The following ZNF83 variants were observed in gnomAD, a reference collection of about 807,000 sequenced individuals.
ZNF83 encodes zinc finger protein 816B.
For missense variants in ZNF83, 552 were observed against 629.9 expected, an observed-to-expected ratio of 0.88 and a Z score of 1.32; for synonymous variants, 209 against 213.0, an observed-to-expected ratio of 0.98 and a Z score of 0.17.
At chr19:52,641,903 A>T (rs1375999076), upstream of ZNF83, among the ~76,000 whole-genome samples, 1 of 152,182 alleles carries the variant, frequency 6.6e-6, no homozygotes, top group Non-Finnish European at 1.5e-5. Context: ...ATGTACATTA[A>T]TTCGGTCTGG....
intron 1 of ZNF83, chr19:52,636,209 G>A (rs2061142292): frequency 6.6e-6 from 1 of 152,110 alleles, no homozygotes; most frequent in South Asian, 2.1e-4. Context: ...CAGCTACTTA[G>A]GAAGCTGACG....
At chr19:52,689,434 T>C (rs1006040933) in intron 1 of ZNF83, among the ~76,000 whole-genome samples, 1 of 152,070 alleles carries the variant, frequency 6.6e-6, no homozygotes, top group Non-Finnish European at 1.5e-5. Flanking sequence ...GTGTCCTCCC[T>C]GCTGTGCTTC....
At chr19:52,619,195 C>T (rs2060438945) in intron 2 of ZNF83, 2 of 1,595,520 alleles carry the variant, frequency 1.3e-6, no homozygotes, top group Non-Finnish European at 1.7e-6. Context: ...GGATTTTTCA[C>T]CACATGATGT....
rs377307081 is a variant in ZNF83, at chr19:52,687,545, A to T, written c.-283+2898T>A. Among the ~76,000 whole-genome samples the T allele has an allele frequency of 5.6e-4, 21 of 37,402 alleles. 2 individuals carry two copies. The highest frequency in any genetic ancestry group is 1.1e-3 in the African/African-American group (10 of 8,820). 24.5% of individuals were successfully genotyped at this position (37,402 alleles called of 152,430 possible). ...TTTTATATATAAATTATATATATAA[A>T]TTATATGTGTAAATTTTATATATAT... On this transcript the variant is annotated intron_variant, in intron 1 of 5. Transcript: ENST00000594682.
chr19:52,639,648 C>G (rs1302358601), upstream of ZNF83, among the ~76,000 whole-genome samples: 1 of 151,826 alleles, frequency 6.6e-6, no homozygotes, highest in Non-Finnish European at 1.5e-5. Context: ...GAACTTCTGA[C>G]TTCAAGTGAT....
intron 1 of ZNF83, among the ~76,000 whole-genome samples, chr19:52,679,631 A>C (rs2061874791): frequency 6.6e-6 from 1 of 152,022 alleles, no homozygotes; most frequent in African/African-American, 2.4e-5. Context: ...TAAATAAAAG[A>C]AAGCATGACA....
At chr19:52,682,639 G>A (rs901259246) in intron 1 of ZNF83, among the ~76,000 whole-genome samples, 1 of 151,874 alleles carries the variant, frequency 6.6e-6, no homozygotes, top group African/African-American at 2.4e-5. Context: ...CTGCTCTCCA[G>A]CCTAGGCAAC....
In ZNF83 at chr19:52,681,280, C is replaced by CAAAAAAAAAAAAAAA. The variant is rs56916405; in HGVS notation, c.-283+9148_-283+9162dup. On this transcript the variant is annotated intron_variant, in intron 1 of 5. Coordinates refer to the ZNF83 transcript ENST00000594682. ...CCTGGGTGACAGAGTGAGACTTTCTCAAAAAAAAAAAAAAAAAAAAAGCAA... is the reference window on the plus strand; with the variant it reads ...CCTGGGTGACAGAGTGAGACTTTCTCAAAAAAAAAAAAAAAAAAAAAAAAAAAAAAAAAAAAGCAA... Among the ~76,000 whole-genome samples, 42 of 75,416 alleles carry CAAAAAAAAAAAAAAA rather than the reference C, an allele frequency of 5.6e-4. 2 individuals carry two copies. Among genetic ancestry groups the CAAAAAAAAAAAAAAA allele is most frequent in the South Asian group, 1.3e-3 (2 of 1,564 alleles). The allele number at this position is 75,416 out of a possible 152,430, so 49.5% of individuals were successfully genotyped here. A position where few individuals can be genotyped will look rare whatever the true frequency, so the allele number is the denominator to read the frequency against.
intron 3 of ZNF83, among the ~76,000 whole-genome samples, chr19:52,649,977 G>C (rs1445110134): frequency 6.6e-6 from 1 of 152,006 alleles, no homozygotes; most frequent in Admixed American, 6.6e-5. Context: ...TATGAGACAG[G>C]GGGGCCACAG....
intron 3 of ZNF83, chr19:52,654,112 T>A: frequency 6.2e-7 from 1 of 1,605,334 alleles, no homozygotes; most frequent in African/African-American, 1.3e-5. Context: ...CAGATGTGAA[T>A]AAAAGCTTGA....
chr19:52,626,018 C>A (rs916457064), intron 2 of ZNF83, among the ~76,000 whole-genome samples: 1 of 152,194 alleles, frequency 6.6e-6, no homozygotes, highest in East Asian at 1.9e-4. Flanking sequence ...GCCTGCTAAT[C>A]GGACAGGGAC....
intron 1 of ZNF83, among the ~76,000 whole-genome samples, chr19:52,681,894 C>T (rs1388714181): frequency 6.6e-6 from 1 of 152,192 alleles, no homozygotes; most frequent in Non-Finnish European, 1.5e-5. Context: ...GTCAACCAGC[C>T]TGAAGTGCAG....
At chr19:52,633,404 A>T (rs1339018328) in intron 2 of ZNF83, among the ~76,000 whole-genome samples, 1 of 152,148 alleles carries the variant, frequency 6.6e-6, no homozygotes, top group Admixed American at 6.5e-5. Context: ...GAAAAATATA[A>T]TTTCTTTTAA....
intron 1 of ZNF83, among the ~76,000 whole-genome samples, chr19:52,676,461 C>T (rs1174987397): frequency 6.6e-6 from 1 of 152,004 alleles, no homozygotes; most frequent in Non-Finnish European, 1.5e-5. Context: ...ATGTGAGGAG[C>T]CTGCCCCGGC....
intron 1 of ZNF83, chr19:52,636,179 G>A (rs1322156885): frequency 6.6e-6 from 1 of 151,772 alleles, no homozygotes; most frequent in African/African-American, 2.4e-5. Flanking sequence ...GGGCTTCTTG[G>A]TGGCTCATCA....
At chr19:52,653,925 T>C in intron 3 of ZNF83, 1 of 1,057,270 alleles carries the variant, frequency 9.5e-7, no homozygotes, top group East Asian at 2.4e-5. Context: ...TCATGTGTTC[T>C]TCCTGGATTT....
chr19:52,666,611 C>T (rs1384653054), intron 1 of ZNF83, among the ~76,000 whole-genome samples: 1 of 108,130 alleles, frequency 9.2e-6, no homozygotes, highest in African/African-American at 3.9e-5. Flanking sequence ...GAAGAACTAT[C>T]CTAAGTCAAA....
Position 52,619,134 on chromosome 19 carries a change from G to A in ZNF83, c.-233-4337C>T, listed in dbSNP as rs139347873. 3.8e-3 allele frequency: 6,193 copies of A among 1,611,624 alleles called. 17 individuals are homozygous for A. Among genetic ancestry groups the A allele is most frequent in the Non-Finnish European group, 4.5e-3 (5,281 of 1,179,032 alleles). On this transcript the variant is annotated intron_variant, in intron 2 of 2. Transcript: ENST00000301096. ...TATCTTTACAGAAAATGAGGAGAGC[G>A]GTGACAACAAGGATTTAATTGTAGT...
intron 1 of ZNF83, among the ~76,000 whole-genome samples, chr19:52,665,182 T>C (rs777004030): frequency 1.3e-5 from 2 of 152,062 alleles, no homozygotes. Flanking sequence ...TCCAGAGACT[T>C]TCCTAGAGCC....
Sources: gnomAD v4.1 joint callset for allele counts (sites outside exome capture counted in the v4.1 genomes callset) on GRCh38, gnomAD v4.1.1 for gene constraint, MANE v1.5 for transcripts, NCBI Gene and HGNC (gene_info 2026-07-23, HGNC 2026-07-21) for gene names.